CUX2: variants seen among roughly 807,000 people sequenced by gnomAD.
CUX2 encodes homeobox protein cut-like 2.
CUX2 carries 40 observed loss-of-function variants against 144.8 expected under a neutral mutation model. The observed-to-expected ratio is 0.28, with a 90% CI of 0.21 to 0.36. The LOEUF (loss-of-function observed/expected upper bound fraction) is 0.36. Among genes scored for constraint, CUX2 ranks in the 10% least tolerant of loss-of-function variants. CUX2 has a pLI of 1.00. For synonymous variants in CUX2, 827 were observed against 875.6 expected (o/e 0.94, Z 0.98); for missense variants, 1,615 against 1,994.0 (o/e 0.81, Z 3.62).
At chr12:111,315,799 C>T (rs923060461) in intron 16 of CUX2, among the ~76,000 whole-genome samples, 9 of 152,044 alleles carry the variant, frequency 5.9e-5, no homozygotes, top group Admixed American at 5.3e-4. Flanking sequence ...GCAGGAAGAT[C>T]GCTTAAACCC....
intron 1 of CUX2, among the ~76,000 whole-genome samples, chr12:111,050,508 A>G (rs1374953645): frequency 6.6e-6 from 1 of 151,882 alleles, no homozygotes; most frequent in Non-Finnish European, 1.5e-5. Context: ...TCAAAACCTA[A>G]TTTTCTCTCC....
At chr12:111,040,594 G>C (rs1330715912) in intron 1 of CUX2, among the ~76,000 whole-genome samples, 4 of 152,008 alleles carry the variant, frequency 2.6e-5, no homozygotes, top group Non-Finnish European at 5.9e-5. Flanking sequence ...GAAAACTAAA[G>C]AAGCTTCCAC....
chr12:111,150,800 A>C (rs1876999887), intron 1 of CUX2, among the ~76,000 whole-genome samples: 1 of 152,088 alleles, frequency 6.6e-6, no homozygotes, highest in African/African-American at 2.4e-5. Flanking sequence ...GGAAAATTAG[A>C]AATTGGCATC....
At chr12:111,342,680 C>T (rs1888628197) in intron 21 of CUX2, among the ~76,000 whole-genome samples, 2 of 151,464 alleles carry the variant, frequency 1.3e-5, no homozygotes, top group African/African-American at 4.9e-5. Flanking sequence ...GCGTGTAGGC[C>T]AGGCGCGGTG....
At chr12:111,183,463 G>A (rs908390642) in intron 1 of CUX2, among the ~76,000 whole-genome samples, 1 of 152,258 alleles carries the variant, frequency 6.6e-6, no homozygotes, top group Non-Finnish European at 1.5e-5. Context: ...GCAATAGGCA[G>A]AAGCAACACC....
At chr12:111,209,840 A>G (rs1215856598) in intron 1 of CUX2, among the ~76,000 whole-genome samples, 1 of 152,184 alleles carries the variant, frequency 6.6e-6, no homozygotes, top group Non-Finnish European at 1.5e-5. Flanking sequence ...CCCGAGCCTC[A>G]GCTGCATCTA....
intron 1 of CUX2, among the ~76,000 whole-genome samples, chr12:111,192,235 T>G (rs892113277): frequency 3.3e-5 from 5 of 152,184 alleles, no homozygotes; most frequent in Non-Finnish European, 7.3e-5. Context: ...CAAGTGATTC[T>G]TCTGCCTCAG....
intron 9 of CUX2, among the ~76,000 whole-genome samples, chr12:111,302,388 CCA>C (rs1178017359): frequency 8.5e-5 from 13 of 152,188 alleles, no homozygotes; most frequent in African/African-American, 3.1e-4. Context: ...TTTGGCCAAA[CCA>C]CTTCATTTGC....
intron 1 of CUX2, among the ~76,000 whole-genome samples, chr12:111,088,757 G>A (rs952955948): frequency 1.3e-5 from 2 of 152,190 alleles, no homozygotes; most frequent in African/African-American, 4.8e-5. Flanking sequence ...CTTTCCTCTA[G>A]ACGTGCAACT....
chr12:111,235,939 G>T (rs775432513), intron 3 of CUX2, among the ~76,000 whole-genome samples: 46 of 152,104 alleles, frequency 3.0e-4, no homozygotes, highest in Non-Finnish European at 4.3e-4. Context: ...AAGCCCCTTT[G>T]TTGGATACCC....
chr12:111,295,693 G>C lies in CUX2; in HGVS notation c.637+284G>C, dbSNP rs1327743550. Among the ~76,000 whole-genome samples, 1 of 151,998 alleles carries C rather than the reference G, an allele frequency of 6.6e-6. No individual in the cohort carries two copies. The highest frequency in any genetic ancestry group is 1.5e-5 in the Non-Finnish European group (1 of 68,014). ...GGCACTTTGGGAGGCTGAAGTGGGAGGGTCGCTTGAACCCCAGAGTTTGAG... is the reference window on the plus strand; with the variant it reads ...GGCACTTTGGGAGGCTGAAGTGGGACGGTCGCTTGAACCCCAGAGTTTGAG... On this transcript the variant is annotated intron_variant, in intron 7 of 21. Coordinates refer to ENST00000261726, the MANE Select transcript of CUX2 (RefSeq NM_015267.4). This position sits in a 1 kb window ranked among gnomAD's most constrained non-coding sequence, Gnocchi z 5.0.
Position 111,061,841 on chromosome 12 carries a change from A to G in CUX2, c.63+27601A>G, listed in dbSNP as rs1231972505. Among the ~76,000 whole-genome samples, 2 of 151,914 alleles carry G rather than the reference A, an allele frequency of 1.3e-5. No homozygotes were observed. Among genetic ancestry groups the G allele is most frequent in the Non-Finnish European group, 2.9e-5 (2 of 67,976 alleles). Reference sequence around the variant, plus strand: ...TTGGCCTTGTTCTCAGCAGGCAGGGATGTGGGGGGCGCCTCGTGGCCAAAC... The same window carrying G: ...TTGGCCTTGTTCTCAGCAGGCAGGGGTGTGGGGGGCGCCTCGTGGCCAAAC... On this transcript the variant is annotated intron_variant, in intron 1 of 21. Transcript: ENST00000261726. This position sits in a 1 kb window ranked among gnomAD's most constrained non-coding sequence, Gnocchi z 4.2.
chr12:111,340,462 A>T (rs1245233347), intron 20 of CUX2, among the ~76,000 whole-genome samples: 1 of 152,204 alleles, frequency 6.6e-6, no homozygotes, highest in East Asian at 1.9e-4. Flanking sequence ...TAATCTCAGC[A>T]CTTTGGAAGG....
intron 1 of CUX2, among the ~76,000 whole-genome samples, chr12:111,143,656 G>C (rs575359398): frequency 2.0e-5 from 3 of 152,362 alleles, no homozygotes; most frequent in Non-Finnish European, 2.9e-5. Context: ...CACTTAAAGA[G>C]ACAATGCCGA....
chr12:111,047,807 T>TAGAA (rs1292442960), intron 1 of CUX2, among the ~76,000 whole-genome samples: 1 of 152,032 alleles, frequency 6.6e-6, no homozygotes, highest in East Asian at 1.9e-4. Context: ...ATGACAGAAA[T>TAGAA]AGAAAGAATG....
At chr12:111,250,047 C>T (rs2136273681) in intron 3 of CUX2, among the ~76,000 whole-genome samples, 1 of 152,178 alleles carries the variant, frequency 6.6e-6, no homozygotes, top group Non-Finnish European at 1.5e-5. Context: ...AGGACGGTGT[C>T]ACTGCCATCG....
At chr12:111,203,589 A>C (rs1880742126) in intron 1 of CUX2, among the ~76,000 whole-genome samples, 1 of 152,012 alleles carries the variant, frequency 6.6e-6, no homozygotes, top group Non-Finnish European at 1.5e-5. Context: ...AGAAGGACCC[A>C]TGTGCCTGGA....
chr12:111,142,293 CAG>C (rs1266012694), intron 1 of CUX2, among the ~76,000 whole-genome samples: 1 of 152,016 alleles, frequency 6.6e-6, no homozygotes, highest in African/African-American at 2.4e-5. Flanking sequence ...TTTGGTATCT[CAG>C]AAACCAGGCA....
chr12:111,099,065 A>G (rs1873023164), intron 1 of CUX2, among the ~76,000 whole-genome samples: 1 of 152,226 alleles, frequency 6.6e-6, no homozygotes, highest in Non-Finnish European at 1.5e-5. Flanking sequence ...AGTCTCCCAG[A>G]GGAGGCCACC....
Sources: gnomAD v4.1 joint callset for allele counts (sites outside exome capture counted in the v4.1 genomes callset) on GRCh38, gnomAD v4.1.1 for gene constraint, Gnocchi (gnomAD v3.1) non-coding constraint, MANE v1.5 for transcripts, NCBI Gene and HGNC (gene_info 2026-07-23, HGNC 2026-07-21) for gene names.